LAMA2: variants seen among roughly 807,000 people sequenced by gnomAD.
The protein encoded by LAMA2 is laminin subunit alpha-2.
LAMA2 carries 269 observed loss-of-function variants against 364.8 expected under a neutral mutation model. That is an observed-to-expected ratio of 0.74 (90% CI 0.67 to 0.82). The LOEUF is 0.82. Ranked by LOEUF, LAMA2 falls within the 40% of genes least tolerant of loss-of-function variation. LAMA2 has a pLI of 0.00. For missense variants in LAMA2, 3,807 were observed against 3,873.2 expected, an observed-to-expected ratio of 0.98 and a Z score of 0.45; for synonymous variants, 1,379 against 1,370.6, an observed-to-expected ratio of 1.01 and a Z score of -0.14.
At chr6:129,256,933 G>A (rs1562385810) in intron 14 of LAMA2, among the ~76,000 whole-genome samples, 1 of 151,012 alleles carries the variant, frequency 6.6e-6, no homozygotes, top group Non-Finnish European at 1.5e-5. Flanking sequence ...CAAAAATATT[G>A]AGAACAATCT....
At chr6:129,383,284 C>G (rs779932073) in intron 35 of LAMA2, 51 bp downstream of exon 35, 4 of 1,347,584 alleles carry the variant, frequency 3.0e-6, no homozygotes, top group Non-Finnish European at 4.2e-6. Context: ...CAGAAAAACA[C>G]AGAAAGGGAT....
intron 41 of LAMA2, among the ~76,000 whole-genome samples, chr6:129,435,772 G>A (rs182372827): frequency 6.6e-5 from 10 of 152,144 alleles, no homozygotes; most frequent in South Asian, 4.1e-4. Context: ...AATATGTCCC[G>A]TACTCTTCTT....
intron 44 of LAMA2, 42 bp downstream of exon 44, chr6:129,443,110 G>A: frequency 6.6e-7 from 1 of 1,510,900 alleles, no homozygotes; most frequent in South Asian, 1.2e-5. Flanking sequence ...TAACGCTCAT[G>A]CTTCATTGCC....
intron 1 of LAMA2, among the ~76,000 whole-genome samples, chr6:128,964,056 AAC>A (rs773360993): frequency 2.0e-5 from 3 of 152,104 alleles, no homozygotes; most frequent in South Asian, 2.1e-4. Flanking sequence ...CTTTGAAAAA[AAC>A]ACAGTCTTTT....
intron 3 of LAMA2, among the ~76,000 whole-genome samples, chr6:129,081,948 T>A (rs538039355): frequency 6.6e-6 from 1 of 152,260 alleles, no homozygotes; most frequent in South Asian, 2.1e-4. Context: ...AAACCATTTA[T>A]CAGAAACTTG....
Position 129,177,799 on chromosome 6 carries a change from A to G in LAMA2, c.1400A>G (p.Lys467Arg), listed in dbSNP as rs138162760. The change falls in exon 10 of 65, where the codon AAA becomes AGA. Residue 467 changes from lysine (K) to arginine (R), a missense_variant. This residue lies in a region of LAMA2 where 3,333 missense variants were observed against 3,345.7 expected (regional missense o/e 1.00). Transcript: ENST00000421865. Reference sequence around the variant, plus strand: ...GGCTACACTGGCTACCCGGACTGCAAAGCCTGTAACTGCAGTGGGTTAGGG... The same window carrying G: ...GGCTACACTGGCTACCCGGACTGCAGAGCCTGTAACTGCAGTGGGTTAGGG... ...ARGYTGYPDC[K>R]ACNCSGLGSK... 188 of 1,613,910 alleles carry G rather than the reference A, an allele frequency of 1.2e-4. 1 individual carries two copies. In the African/African-American group the frequency reaches 2.2e-3, roughly 19 times the overall value.
intron 64 of LAMA2, among the ~76,000 whole-genome samples, chr6:129,514,877 G>A (rs1329952793): frequency 1.3e-5 from 2 of 152,284 alleles, no homozygotes; most frequent in African/African-American, 4.8e-5. Flanking sequence ...TAAAAGATAT[G>A]AGGCATTTAA....
At chr6:129,323,269 C>T (rs1449755547) in intron 28 of LAMA2, among the ~76,000 whole-genome samples, 3 of 152,260 alleles carry the variant, frequency 2.0e-5, no homozygotes, top group African/African-American at 7.2e-5. Flanking sequence ...GTCATGAATA[C>T]ACAAAGCAGT....
intron 3 of LAMA2, among the ~76,000 whole-genome samples, chr6:129,066,037 G>GTTTTTTT (rs1789277998): frequency 6.7e-5 from 1 of 14,964 alleles, no homozygotes; most frequent in African/African-American, 1.4e-4. Flanking sequence ...CCCAGTCTCA[G>GTTTTTTT]GTTTTTTTTT....
At chr6:129,178,558 C>T (rs1298184479) in intron 10 of LAMA2, among the ~76,000 whole-genome samples, 2 of 152,280 alleles carry the variant, frequency 1.3e-5, no homozygotes, top group East Asian at 3.9e-4. Context: ...AGTTCTATAA[C>T]ATTCTGACCA....
At chr6:129,040,314 T>A (rs1157507557) in intron 1 of LAMA2, among the ~76,000 whole-genome samples, 1 of 152,146 alleles carries the variant, frequency 6.6e-6, no homozygotes, top group Non-Finnish European at 1.5e-5. Context: ...GATGGATTAT[T>A]TGGACTTTTT....
At chr6:129,299,786 C>T (rs1165290166) in intron 21 of LAMA2, among the ~76,000 whole-genome samples, 2 of 152,118 alleles carry the variant, frequency 1.3e-5, no homozygotes, top group Non-Finnish European at 2.9e-5. Context: ...ATGCTGTGAG[C>T]AATGAATATT....
chr6:129,155,116 C>T (rs1048618101), intron 8 of LAMA2, among the ~76,000 whole-genome samples: 5 of 152,034 alleles, frequency 3.3e-5, no homozygotes, highest in South Asian at 4.1e-4. Context: ...TTTCTCTGCA[C>T]GAACATATCA....
At chr6:129,311,442 CT>C (rs1562445258) in intron 22 of LAMA2, among the ~76,000 whole-genome samples, 1 of 152,140 alleles carries the variant, frequency 6.6e-6, no homozygotes, top group Non-Finnish European at 1.5e-5. Flanking sequence ...CAGAACTCAG[CT>C]TGGAAGTGTG....
rs571011730 is a variant in LAMA2, at chr6:129,135,539, T to A, written c.640-8362T>A. ...GTTTGCAAGAATAACTACTATTGTT[T>A]TTGTGTACAAGATCTTGTGTATTGT... On this transcript the variant is annotated intron_variant, in intron 4 of 64. Transcript: ENST00000421865. 8.1e-4 allele frequency among the ~76,000 whole-genome samples: 123 copies of A among 152,356 alleles called. 1 individual carries two copies. The highest frequency in any genetic ancestry group is 2.9e-3 in the African/African-American group (119 of 41,596).
At chr6:129,417,651 G>A (rs1319329489) in intron 40 of LAMA2, among the ~76,000 whole-genome samples, 7 of 152,002 alleles carry the variant, frequency 4.6e-5, no homozygotes, top group Admixed American at 4.6e-4. Context: ...GCCATCCACG[G>A]CGCCCACTGG....
intron 1 of LAMA2, among the ~76,000 whole-genome samples, chr6:129,022,411 A>G (rs1235738578): frequency 6.6e-6 from 1 of 152,162 alleles, no homozygotes; most frequent in Non-Finnish European, 1.5e-5. Flanking sequence ...CTCATTGTGT[A>G]TTCATCACCA....
chr6:129,098,044 A>G, intron 3 of LAMA2, 129 bp from the exon 4 acceptor site: 1 of 1,098,620 alleles, frequency 9.1e-7, no homozygotes, highest in Admixed American at 2.0e-5. Flanking sequence ...AAATCATTTC[A>G]GAGAACATTA....
intron 1 of LAMA2, among the ~76,000 whole-genome samples, chr6:128,989,263 T>C (rs1388144707): frequency 6.6e-6 from 1 of 152,104 alleles, no homozygotes; most frequent in African/African-American, 2.4e-5. Flanking sequence ...ATATATAATA[T>C]GAAGATAGAA....
Sources: allele counts gnomAD v4.1 joint callset (sites outside exome capture counted in the v4.1 genomes callset), GRCh38; gene constraint gnomAD v4.1.1; regional missense constraint gnomAD v4.1.1; transcripts MANE v1.5; gene names NCBI Gene and HGNC (gene_info 2026-07-23, HGNC 2026-07-21).